CFAP221: variants seen among roughly 807,000 people sequenced by gnomAD.
CFAP221 encodes the protein cilia- and flagella-associated protein 221.
Under a neutral mutation model 113.1 loss-of-function variants are expected in CFAP221, and 97 were observed. That is an observed-to-expected ratio of 0.86 (90% confidence interval 0.73 to 1.02). The LOEUF (loss-of-function observed/expected upper bound fraction) is 1.02, where lower values mean the gene tolerates loss of function less well. Among genes scored for constraint, CFAP221 ranks in the 50% least tolerant of loss-of-function variants. The probability of loss-of-function intolerance (pLI) is 0.00; values close to 1 mark genes in which losing one functional copy is unlikely to be tolerated. For missense variants in CFAP221, 1,025 were observed against 1,013.4 expected, an observed-to-expected ratio of 1.01 and a Z score of -0.16; for synonymous variants, 331 against 354.4, an observed-to-expected ratio of 0.93 and a Z score of 0.74.
chr2:119,567,249 T>C (rs7594655), intron 6 of CFAP221, among the ~76,000 whole-genome samples: 26,405 of 114,500 alleles, frequency 0.23, 2,536 homozygotes, highest in East Asian at 0.49. Flanking sequence ...TTTTCACTGC[T>C]CTAAAAATCC....
chr2:119,572,816 C>T, intron 6 of CFAP221: 1 of 498,322 alleles, frequency 2.0e-6, no homozygotes, highest in Non-Finnish European at 3.6e-6. Flanking sequence ...GGACCATGTA[C>T]TCATCTCAAG....
chr2:119,643,010 C>T (rs1687588247), intron 21 of CFAP221, among the ~76,000 whole-genome samples: 2 of 148,036 alleles, frequency 1.4e-5, no homozygotes, highest in Non-Finnish European at 3.0e-5. Context: ...GGGCTGATCT[C>T]AAACTCCTGG....
intron 7 of CFAP221, among the ~76,000 whole-genome samples, chr2:119,599,823 A>G (rs1684242478): frequency 6.6e-6 from 1 of 151,952 alleles, no homozygotes; most frequent in South Asian, 2.1e-4. Flanking sequence ...GAGATCTGGG[A>G]TTTGTTTTGT....
intron 5 of CFAP221, among the ~76,000 whole-genome samples, chr2:119,560,646 G>T (rs1315127768): frequency 2.0e-5 from 3 of 151,960 alleles, no homozygotes; most frequent in Non-Finnish European, 4.4e-5. Context: ...AAGCCATTAG[G>T]TTAGCTAAAT....
chr2:119,564,797 A>ATTTTG (rs797020794), intron 6 of CFAP221, among the ~76,000 whole-genome samples: 23 of 152,092 alleles, frequency 1.5e-4, no homozygotes, highest in African/African-American at 4.1e-4. Context: ...AGTTTCCACT[A>ATTTTG]TTTTGTTTTG....
chr2:119,658,600 A>G (rs1048382989), downstream of CFAP221, among the ~76,000 whole-genome samples: 2 of 151,732 alleles, frequency 1.3e-5, no homozygotes, highest in South Asian at 2.1e-4. Context: ...AAGTATTTAT[A>G]CTGAGCCCCC....
intron 14 of CFAP221, among the ~76,000 whole-genome samples, chr2:119,623,102 T>C (rs1686055867): frequency 6.6e-6 from 1 of 152,328 alleles, no homozygotes; most frequent in African/African-American, 2.4e-5. Context: ...GACATGATTG[T>C]ATATTTAGAA....
chr2:119,600,820 C>T (rs1684315341), intron 7 of CFAP221, among the ~76,000 whole-genome samples: 1 of 152,146 alleles, frequency 6.6e-6, no homozygotes, highest in African/African-American at 2.4e-5. Flanking sequence ...AGATCAATCC[C>T]TCCTCTTCCT....
In CFAP221 at chr2:119,629,807, G is replaced by A. The variant is rs542099175; in HGVS notation, c.1651-68G>A. On this transcript the variant is annotated intron_variant, in intron 16 of 23. Transcript: ENST00000413369. ...GGTCACTAATGTTTCAAAATGTAGT[G>A]GAAACAGAAGCATAGCCACTCTTGC... 2.2e-5 allele frequency: 28 copies of A among 1,252,834 alleles called. No homozygotes were observed. In the African/African-American group the frequency reaches 4.2e-4, roughly 19 times the overall value. 77.6% of individuals were successfully genotyped at this position (1,252,834 alleles called of 1,614,324 possible).
At chr2:119,614,831 GC>G (rs1338346067) in intron 13 of CFAP221, among the ~76,000 whole-genome samples, 2 of 152,150 alleles carry the variant, frequency 1.3e-5, no homozygotes, top group Non-Finnish European at 2.9e-5. Flanking sequence ...TGCTAGGTTT[GC>G]CATATCTGAA....
At chr2:119,641,000 A>G (rs1333074712) in intron 21 of CFAP221, among the ~76,000 whole-genome samples, 1 of 152,170 alleles carries the variant, frequency 6.6e-6, no homozygotes, top group Non-Finnish European at 1.5e-5. Context: ...CTTGTAGTGT[A>G]CAAGTGCAGC....
At chr2:119,655,420 A>G (rs1431256434) in intron 23 of CFAP221, among the ~76,000 whole-genome samples, 2 of 152,154 alleles carry the variant, frequency 1.3e-5, no homozygotes, top group Non-Finnish European at 2.9e-5. Context: ...TAATTTCTTT[A>G]ATTATGTGCA....
intron 23 of CFAP221, among the ~76,000 whole-genome samples, 173 bp downstream of exon 23, chr2:119,652,242 C>A (rs531269207): frequency 1.4e-4 from 21 of 152,320 alleles, no homozygotes; most frequent in African/African-American, 4.8e-4. Flanking sequence ...CAATTACACT[C>A]CCTGAAATCT....
chr2:119,619,161 T>G (rs1685720665), intron 14 of CFAP221, among the ~76,000 whole-genome samples: 3 of 152,164 alleles, frequency 2.0e-5, no homozygotes, highest in South Asian at 2.1e-4. Flanking sequence ...TGGTGCAGCT[T>G]CAGCAGACTT....
intron 16 of CFAP221, among the ~76,000 whole-genome samples, chr2:119,629,652 G>T (rs565909402): frequency 6.6e-6 from 1 of 152,106 alleles, no homozygotes; most frequent in Non-Finnish European, 1.5e-5. Context: ...TGCAGCCTCC[G>T]CAACCACAGA....
At chr2:119,653,748 C>T (rs1482633123) in intron 23 of CFAP221, among the ~76,000 whole-genome samples, 2 of 152,200 alleles carry the variant, frequency 1.3e-5, no homozygotes, top group Non-Finnish European at 2.9e-5. Flanking sequence ...GTTACCATCT[C>T]TCCTACTGGT....
chr2:119,577,548 T>TA (rs1164493148), intron 6 of CFAP221, among the ~76,000 whole-genome samples: 1 of 152,180 alleles, frequency 6.6e-6, no homozygotes, highest in African/African-American at 2.4e-5. Flanking sequence ...GTACAGCAGG[T>TA]AAGAGCTCAG....
At position 119,560,045 on chromosome 2, in the gene CFAP221, C is replaced by CA. The variant is rs2104536543; in HGVS notation, c.426+19_426+20insA. On this transcript the variant is annotated intron_variant, in intron 5 of 23. Transcript: ENST00000413369. ...CTGTAAGGTAGGTCTCTTAAAATTG[C>CA]TTTTTTTTTTTTTTTTTTTTGATGG... 1.1e-6 allele frequency: 1 copy of CA among 875,464 alleles called. No individual in the cohort carries two copies. The highest frequency in any genetic ancestry group is 1.9e-5 in the South Asian group (1 of 53,864). 54.2% of individuals were successfully genotyped at this position (875,464 alleles called of 1,614,324 possible).
At chr2:119,566,564 G>C (rs904568028) in intron 6 of CFAP221, among the ~76,000 whole-genome samples, 1 of 152,132 alleles carries the variant, frequency 6.6e-6, no homozygotes, top group Non-Finnish European at 1.5e-5. Flanking sequence ...TACCCCCCCA[G>C]CTCCTACAGA....
Sources: gnomAD v4.1 joint callset for allele counts (sites outside exome capture counted in the v4.1 genomes callset) on GRCh38, gnomAD v4.1.1 for gene constraint, MANE v1.5 for transcripts, NCBI Gene and HGNC (gene_info 2026-07-23, HGNC 2026-07-21) for gene names.